The following CUX1 variants were observed in gnomAD, a reference collection of about 807,000 sequenced individuals.
CUX1 encodes protein CASP.
CUX1 carries 31 observed loss-of-function variants against 158.8 expected under a neutral mutation model. The observed-to-expected ratio is 0.20, with a 90% CI of 0.15 to 0.26. The LOEUF is 0.26. Ranked by LOEUF, CUX1 falls within the 10% of genes least tolerant of loss-of-function variation. CUX1 has a pLI of 1.00. For synonymous variants in CUX1, 879 were observed against 862.1 expected, an observed-to-expected ratio of 1.02 and a Z score of -0.34; for missense variants, 1,589 against 2,014.6, an observed-to-expected ratio of 0.79 and a Z score of 4.04.
chr7:101,951,461 C>T (rs1346159084), intron 2 of CUX1, among the ~76,000 whole-genome samples: 2 of 152,034 alleles, frequency 1.3e-5, no homozygotes, highest in Non-Finnish European at 2.9e-5. Flanking sequence ...TGCTGAACAT[C>T]GATCAACCCA....
rs562058534 is a variant in CUX1, at chr7:102,148,564, CAA to C, written c.675-9991_675-9990del. Among the ~76,000 whole-genome samples the C allele has an allele frequency of 4.6e-3, 701 of 151,228 alleles. 24 individuals are homozygous for C. Among genetic ancestry groups the C allele is most frequent in the Admixed American group, 0.044 (661 of 15,126 alleles). ...TATCAAAAACAAACAAACAAAAAAA[CAA>C]AAAACAAAGAAATGCCCATCTTTTA... On this transcript the variant is annotated intron_variant, in intron 8 of 23. Transcript: ENST00000292535.
chr7:102,023,544 A>G (rs1819634775), intron 2 of CUX1, among the ~76,000 whole-genome samples: 1 of 152,174 alleles, frequency 6.6e-6, no homozygotes, highest in African/African-American at 2.4e-5. Context: ...ATCTTGGCTC[A>G]CTTGCAGCCT....
chr7:102,206,224 T>G (rs1309410988), intron 20 of CUX1, among the ~76,000 whole-genome samples: 1 of 152,158 alleles, frequency 6.6e-6, no homozygotes, highest in Non-Finnish European at 1.5e-5. Flanking sequence ...TTGAGAGTTC[T>G]GCGTGTTTTC....
At chr7:102,222,792 G>A (rs2132295799) in intron 20 of CUX1, among the ~76,000 whole-genome samples, 1 of 125,166 alleles carries the variant, frequency 8.0e-6, no homozygotes, top group East Asian at 2.6e-4. Context: ...TCCTGGCTGT[G>A]TGTCTCGGGG....
At chr7:101,895,207 G>A (rs1801341412) in intron 1 of CUX1, among the ~76,000 whole-genome samples, 1 of 152,094 alleles carries the variant, frequency 6.6e-6, no homozygotes, top group South Asian at 2.1e-4. Flanking sequence ...TTTTAGTAGA[G>A]ACGGGGTTTC....
chr7:102,253,667 G>A lies in CUX1; in HGVS notation c.*4625G>A. ...AAAGCAGAGAGATTTTGAACTGAGG[G>A]GCGACAGCCTTTGCCTTAAATGCAG... On this transcript the variant is annotated 3_prime_UTR_variant, in exon 24 of 24. Transcript: ENST00000292535. The A allele has an allele frequency of 1.0e-6, 1 of 985,408 alleles. No individual in the cohort carries two copies. 61.0% of individuals were successfully genotyped at this position (985,408 alleles called of 1,614,324 possible).
chr7:102,041,666 AT>A lies in CUX1; in HGVS notation c.189+13541del, dbSNP rs1246831975. ...GGGCTTCATTTATATCTCCCTTTTG[AT>A]TTTTTTTTTTTTTTTTTTTGAGATG... is the stretch of plus-strand genomic sequence containing the variant. On this transcript the variant is annotated intron_variant, in intron 3 of 23. Coordinates refer to ENST00000292535, the MANE Select transcript of CUX1 (RefSeq NM_181552.4). Among the ~76,000 whole-genome samples the A allele has an allele frequency of 9.1e-3, 956 of 104,908 alleles. 3 individuals carry two copies. Among genetic ancestry groups the A allele is most frequent in the East Asian group, 0.013 (49 of 3,754 alleles). The allele number at this position is 104,908 out of a possible 152,430, so 68.8% of individuals were successfully genotyped here.
intron 1 of CUX1, among the ~76,000 whole-genome samples, chr7:101,897,232 T>G (rs571315154): frequency 1.6e-4 from 25 of 152,258 alleles, no homozygotes; most frequent in Non-Finnish European, 3.5e-4. Context: ...CATTTGCTAT[T>G]AGACATCTTG....
At chr7:102,272,326 C>T (rs991663549) in intron 14 of CUX1, among the ~76,000 whole-genome samples, 1 of 152,202 alleles carries the variant, frequency 6.6e-6, no homozygotes, top group African/African-American at 2.4e-5. Flanking sequence ...GATGAGTCCA[C>T]GGAGGAGGCC....
rs989331644 is a variant in CUX1 at position 102,248,311 on chromosome 7, C to G, written c.3888-101C>G. 6.1e-6 allele frequency: 7 copies of G among 1,152,288 alleles called. No individual in the cohort carries two copies. Among genetic ancestry groups the G allele is most frequent in the Non-Finnish European group, 8.3e-6 (7 of 841,904 alleles). 71.4% of individuals were successfully genotyped at this position (1,152,288 alleles called of 1,614,324 possible). On this transcript the variant is annotated intron_variant, in intron 23 of 23. Coordinates refer to ENST00000292535, the MANE Select transcript of CUX1 (RefSeq NM_181552.4). The surrounding 1 kb of genome is among the most constrained non-coding windows in gnomAD (Gnocchi z 5.8). The stretch of plus-strand genomic sequence containing the variant: ...GGCACGGAGGGGCCTCCAGGCTGGA[C>G]GGAGCAGGAGCCCCAGAGAGAGGGG...
intron 1 of CUX1, among the ~76,000 whole-genome samples, chr7:101,845,427 C>T (rs1012660765): frequency 3.3e-5 from 5 of 152,196 alleles, no homozygotes; most frequent in Admixed American, 6.5e-5. Flanking sequence ...TTGAGACAGG[C>T]GATGGGTGGT....
intron 1 of CUX1, among the ~76,000 whole-genome samples, chr7:101,857,092 A>T (rs1796930806): frequency 6.6e-6 from 1 of 151,930 alleles, no homozygotes; most frequent in Non-Finnish European, 1.5e-5. Context: ...CCTGCCCCGT[A>T]CCACCCGCCG....
intron 20 of CUX1, among the ~76,000 whole-genome samples, chr7:102,214,979 G>A (rs185370406): frequency 1.1e-3 from 162 of 152,244 alleles, no homozygotes; most frequent in African/African-American, 3.9e-3. Flanking sequence ...GCAATTAGGC[G>A]GTAGTTGGAA....
chr7:102,258,288 C>T (rs1790113806), downstream of CUX1: 1 of 700,536 alleles, frequency 1.4e-6, no homozygotes, highest in Non-Finnish European at 1.8e-6. Flanking sequence ...GAGCAGCAAA[C>T]ACTGTCATTC....
chr7:101,935,232 G>A (rs1226729124), intron 2 of CUX1, among the ~76,000 whole-genome samples: 1 of 152,060 alleles, frequency 6.6e-6, no homozygotes, highest in African/African-American at 2.4e-5. Flanking sequence ...AGCACCTTGT[G>A]ACCCCCACTC....
intron 8 of CUX1, among the ~76,000 whole-genome samples, chr7:102,152,017 G>A (rs974453125): frequency 3.3e-5 from 5 of 151,804 alleles, no homozygotes; most frequent in Admixed American, 3.3e-4. Context: ...GACCAGCCTC[G>A]GCAACATAGC....
chr7:102,136,501 C>T (rs763422248), intron 8 of CUX1, among the ~76,000 whole-genome samples: 1 of 152,098 alleles, frequency 6.6e-6, no homozygotes, highest in Non-Finnish European at 1.5e-5. Flanking sequence ...AAGCAATTCT[C>T]CTGCCTCAGC....
chr7:102,156,611 A>G (rs1554505368), intron 8 of CUX1, among the ~76,000 whole-genome samples: 1 of 152,180 alleles, frequency 6.6e-6, no homozygotes, highest in African/African-American at 2.4e-5. Context: ...AAATTTCAGT[A>G]GCAGTTTTGG....
chr7:102,156,368 C>T (rs781908338), intron 8 of CUX1, among the ~76,000 whole-genome samples: 10 of 152,116 alleles, frequency 6.6e-5, no homozygotes, highest in Non-Finnish European at 1.2e-4. Context: ...CATAACAGTA[C>T]GGATAGGGTC....
Sources: gnomAD v4.1 joint callset for allele counts (sites outside exome capture counted in the v4.1 genomes callset) on GRCh38, gnomAD v4.1.1 for gene constraint, Gnocchi (gnomAD v3.1) non-coding constraint, MANE v1.5 for transcripts, NCBI Gene and HGNC (gene_info 2026-07-23, HGNC 2026-07-21) for gene names.